Variants in UCHL5 observed in about 807,000 individuals in gnomAD.
UCHL5 encodes the protein ubiquitin C-terminal hydrolase L5, also known as ubiquitin carboxyl-terminal hydrolase isozyme L5.
A neutral mutation model predicts 53.8 loss-of-function variants in UCHL5; 34 were observed. The observed-to-expected ratio is 0.63, with a 90% CI of 0.48 to 0.84. UCHL5 has a LOEUF of 0.84. UCHL5 is among the 40% of genes least tolerant of loss of function. The probability of loss-of-function intolerance (pLI) is 0.00; values close to 1 mark genes in which losing one functional copy is unlikely to be tolerated. For missense variants in UCHL5, 290 were observed against 385.6 expected (o/e 0.75, Z 2.08); for synonymous variants, 111 against 126.3 (o/e 0.88, Z 0.81).
At chr1:193,023,177 C>T (rs946065563) in intron 8 of UCHL5, 141 bp from the exon 9 acceptor site, 1 of 610,082 alleles carries the variant, frequency 1.6e-6, no homozygotes, top group African/African-American at 1.9e-5. Flanking sequence ...CTAACAGCAG[C>T]ATTAAAGGAT....
At chr1:193,059,795 G>T (rs1672278709), upstream of UCHL5, 3 of 1,356,288 alleles carry the variant, frequency 2.2e-6, no homozygotes, top group Non-Finnish European at 2.9e-6. This position sits in a 1 kb window ranked among gnomAD's most constrained non-coding sequence, Gnocchi z 4.9. Context: ...ATTGCGGGAG[G>T]CCGGCTGGGA....
At chr1:193,017,900 C>T (rs1038960601) in intron 10 of UCHL5, among the ~76,000 whole-genome samples, 1 of 151,252 alleles carries the variant, frequency 6.6e-6, no homozygotes, top group Non-Finnish European at 1.5e-5. Context: ...TGCCTAAAAG[C>T]TCCAGCTAAT....
intron 3 of UCHL5, among the ~76,000 whole-genome samples, chr1:193,035,848 A>C (rs1571691329): frequency 6.6e-6 from 1 of 152,122 alleles, no homozygotes; most frequent in Non-Finnish European, 1.5e-5. Context: ...TCAAAATATA[A>C]GGGGTAAAAA....
chr1:193,043,237 C>T (rs530157495), intron 3 of UCHL5, among the ~76,000 whole-genome samples: 2 of 146,406 alleles, frequency 1.4e-5, no homozygotes, highest in East Asian at 4.1e-4. Flanking sequence ...ACCTAATATC[C>T]TGGCTAACAT....
chr1:193,023,129 C>A (rs965458141), intron 8 of UCHL5, 93 bp from the exon 9 acceptor site: 2 of 960,974 alleles, frequency 2.1e-6, no homozygotes, highest in Non-Finnish European at 1.6e-6. Flanking sequence ...TGATTATTTT[C>A]AAATTTTTAC....
chr1:193,035,415 C>T (rs948337155), intron 3 of UCHL5, among the ~76,000 whole-genome samples: 4 of 151,424 alleles, frequency 2.6e-5, no homozygotes, highest in African/African-American at 9.7e-5. Context: ...AGAAACCATA[C>T]AGGCCAGGAG....
chr1:193,048,125 T>C (rs542639024), intron 3 of UCHL5, among the ~76,000 whole-genome samples: 1 of 152,322 alleles, frequency 6.6e-6, no homozygotes, highest in African/African-American at 2.4e-5. Context: ...TTGTTAGCTT[T>C]TTCCCTTGGA....
At position 193,014,079 on chromosome 1, in the gene UCHL5, T is replaced by C. The variant is rs1654544734; in HGVS notation, c.*2272A>G. On this transcript the variant is annotated 3_prime_UTR_variant, in exon 11 of 11. Coordinates refer to ENST00000367454, the MANE Select transcript of UCHL5 (RefSeq NM_001199261.3). ...ATTTTAGAAAAGACTAAATATGAAA[T>C]GAGCAAGATTTTCTATAAAATATCA... is the stretch of plus-strand genomic sequence containing the variant. 6.6e-6 allele frequency: 1 copy of C among 152,112 alleles called. No homozygotes were observed. Among genetic ancestry groups the C allele is most frequent in the Non-Finnish European group, 1.5e-5 (1 of 67,998 alleles). The allele number at this position is 152,112 out of a possible 1,614,324, so 9.4% of individuals were successfully genotyped here. A position where few individuals can be genotyped will look rare whatever the true frequency, so the allele number is the denominator to read the frequency against.
At chr1:193,021,860 T>C (rs563113371) in intron 9 of UCHL5, among the ~76,000 whole-genome samples, 69 of 152,318 alleles carry the variant, frequency 4.5e-4, no homozygotes, top group African/African-American at 1.6e-3. Flanking sequence ...AATTAAAGCT[T>C]AACATGTTTG....
At chr1:193,051,101 C>T (rs1668895852) in intron 2 of UCHL5, among the ~76,000 whole-genome samples, 2 of 152,122 alleles carry the variant, frequency 1.3e-5, no homozygotes, top group African/African-American at 2.4e-5. Flanking sequence ...TCCTAAGTCC[C>T]TATTTTCCCT....
intron 1 of UCHL5, chr1:193,057,208 A>G (rs1670893142): frequency 6.6e-6 from 1 of 152,360 alleles, no homozygotes; most frequent in Non-Finnish European, 1.5e-5. Flanking sequence ...CACCCAGGCT[A>G]GAAACCAGGG....
chr1:193,017,005 C>A (rs769149471), intron 10 of UCHL5, among the ~76,000 whole-genome samples: 1 of 151,898 alleles, frequency 6.6e-6, no homozygotes, highest in East Asian at 1.9e-4. Context: ...TGTTATCAAG[C>A]TTGACCAAAG....
In UCHL5 at chr1:193,029,599, T is replaced by A. The variant is rs1558051278; in HGVS notation, c.305A>T (p.His102Leu). The A allele has an allele frequency of 9.9e-6, 16 of 1,613,490 alleles. No homozygotes were observed. Among genetic ancestry groups the A allele is most frequent in the Non-Finnish European group, 1.4e-5 (16 of 1,179,672 alleles). The part of the protein sequence containing the change: ...AIVSVLLNCT[H>L]QDVHLGETLS... ...TGTCTCGCCTAAATGGACATCCTGG[T>A]GGGTACAGTTCAGTAACACACTCAC... Residue 102 changes from histidine to leucine, a missense_variant, in exon 4 of 11, where the codon CAC becomes CTC. Coordinates refer to ENST00000367454, the MANE Select transcript of UCHL5 (RefSeq NM_001199261.3).
intron 10 of UCHL5, among the ~76,000 whole-genome samples, chr1:193,019,394 GAAT>G (rs775247847): frequency 5.9e-5 from 9 of 151,568 alleles, no homozygotes; most frequent in Admixed American, 2.6e-4. Context: ...AATGTTTGAT[GAAT>G]AATTTAAAAC....
At chr1:193,038,079 C>G (rs1269508564) in intron 3 of UCHL5, among the ~76,000 whole-genome samples, 1 of 152,098 alleles carries the variant, frequency 6.6e-6, no homozygotes, top group Non-Finnish European at 1.5e-5. Context: ...CCTCAATACA[C>G]TGGATATGGA....
intron 3 of UCHL5, among the ~76,000 whole-genome samples, chr1:193,040,893 A>G (rs1665325365): frequency 6.6e-6 from 1 of 152,220 alleles, no homozygotes. Context: ...CAAGCACAGA[A>G]AGACAAATAT....
upstream of UCHL5, chr1:193,059,846 T>C: frequency 1.5e-6 from 2 of 1,362,228 alleles, no homozygotes; most frequent in South Asian, 2.3e-5. This position sits in a 1 kb window ranked among gnomAD's most constrained non-coding sequence, Gnocchi z 4.9. Flanking sequence ...TTCTGACCAG[T>C]CCTCCATGTC....
At chr1:193,018,105 A>G (rs1430784162) in intron 10 of UCHL5, among the ~76,000 whole-genome samples, 1 of 151,602 alleles carries the variant, frequency 6.6e-6, no homozygotes, top group Non-Finnish European at 1.5e-5. Flanking sequence ...ATACTAATGT[A>G]GATATTGTTG....
intron 2 of UCHL5, among the ~76,000 whole-genome samples, chr1:193,050,457 G>A (rs1668648956): frequency 6.6e-6 from 1 of 152,140 alleles, no homozygotes; most frequent in Non-Finnish European, 1.5e-5. Flanking sequence ...TCAGGGCTGG[G>A]CATGGTGTCT....
Sources: allele counts gnomAD v4.1 joint callset (sites outside exome capture counted in the v4.1 genomes callset), GRCh38; gene constraint gnomAD v4.1.1; non-coding constraint Gnocchi (gnomAD v3.1); transcripts MANE v1.5; gene names NCBI Gene and HGNC (gene_info 2026-07-23, HGNC 2026-07-21).